NDFIP1: variants seen among roughly 807,000 people sequenced by gnomAD.
The protein encoded by NDFIP1 is NEDD4 family-interacting protein 1.
A neutral mutation model predicts 28.8 loss-of-function variants in NDFIP1; 7 were observed. The ratio of observed to expected loss-of-function variants is 0.24; its 90% CI spans 0.14 to 0.46. NDFIP1 has a LOEUF of 0.46. Ranked by LOEUF, NDFIP1 falls within the 20% of genes least tolerant of loss-of-function variation. NDFIP1 has a pLI of 0.99. For missense variants in NDFIP1, 194 were observed against 269.1 expected, an observed-to-expected ratio of 0.72 and a Z score of 1.95; for synonymous variants, 92 against 101.0, an observed-to-expected ratio of 0.91 and a Z score of 0.53.
intron 7 of NDFIP1, among the ~76,000 whole-genome samples, chr5:142,147,672 G>A (rs781602839): frequency 6.6e-6 from 1 of 152,170 alleles, no homozygotes; most frequent in Non-Finnish European, 1.5e-5. Flanking sequence ...TGCCTAGCAG[G>A]CAGTCAAATT....
intron 1 of NDFIP1, among the ~76,000 whole-genome samples, chr5:142,126,250 T>G (rs759015384): frequency 6.8e-4 from 104 of 152,190 alleles, no homozygotes; most frequent in Admixed American, 6.7e-3. Context: ...GCAGAAGTAG[T>G]GGGTTGGTAA....
At position 142,140,636 on chromosome 5, in the gene NDFIP1, G is replaced by GT; in HGVS notation, c.562+12dup. ...TGGGTGTTCCTTGTTTTAGGTAAGT[G>GT]TTTTTAATGTAAGAAAAGGCAAGAA... On this transcript the variant is annotated splice_region_variant and intron_variant, in intron 6 of 7. Transcript: ENST00000253814. 6.2e-7 allele frequency: 1 copy of GT among 1,603,342 alleles called. No individual in the cohort carries two copies. The highest frequency in any genetic ancestry group is 8.5e-7 in the Non-Finnish European group (1 of 1,175,672).
At chr5:142,112,854 C>T (rs7705042) in intron 1 of NDFIP1, among the ~76,000 whole-genome samples, 2 of 150,600 alleles carry the variant, frequency 1.3e-5, no homozygotes, top group African/African-American at 2.4e-5. Flanking sequence ...TCATTTTTGC[C>T]TTTTGAAACT....
chr5:142,114,678 A>G (rs149713424), intron 1 of NDFIP1, among the ~76,000 whole-genome samples: 1 of 152,342 alleles, frequency 6.6e-6, no homozygotes, highest in East Asian at 1.9e-4. Flanking sequence ...TTTCAAGAAG[A>G]TATCACATGA....
chr5:142,120,884 C>T (rs367631261), intron 1 of NDFIP1, among the ~76,000 whole-genome samples: 2 of 152,220 alleles, frequency 1.3e-5, no homozygotes, highest in African/African-American at 4.8e-5. Context: ...GAAGAGGGGA[C>T]CTCATGACCA....
rs1279587960 is a variant in NDFIP1, at chr5:142,154,407, A to C, written c.*2679A>C. On this transcript the variant is annotated 3_prime_UTR_variant, in exon 8 of 8. Transcript: ENST00000253814. ...GTTACATTGCTTTGTATAGAAATAA[A>C]AGGCATTATTAAAATTTGCTTGTTA... The C allele has an allele frequency of 1.3e-5, 2 of 152,342 alleles. No individual in the cohort carries two copies. Among genetic ancestry groups the C allele is most frequent in the Non-Finnish European group, 2.9e-5 (2 of 68,030 alleles). The allele number at this position is 152,342 out of a possible 1,614,324, so 9.4% of individuals were successfully genotyped here. A position where few individuals can be genotyped will look rare whatever the true frequency, so the allele number is the denominator to read the frequency against.
chr5:142,120,005 G>T (rs1757106500), intron 1 of NDFIP1, among the ~76,000 whole-genome samples: 1 of 152,154 alleles, frequency 6.6e-6, no homozygotes, highest in South Asian at 2.1e-4. Context: ...GTCCAGGCTG[G>T]AGTGCAGTGG....
chr5:142,140,812 G>A (rs960557141), intron 6 of NDFIP1, among the ~76,000 whole-genome samples, 183 bp downstream of exon 6: 3 of 152,134 alleles, frequency 2.0e-5, no homozygotes, highest in African/African-American at 4.8e-5. Flanking sequence ...TAACATGCAC[G>A]TTAATAAAAA....
chr5:142,135,716 T>C lies in NDFIP1; in HGVS notation c.283-14T>C, dbSNP rs1278970393. The C allele has an allele frequency of 6.2e-7, 1 of 1,609,918 alleles. No homozygotes were observed. The highest frequency in any genetic ancestry group is 1.1e-5 in the South Asian group (1 of 90,862). ...TCCCTTTGCCTAGAAATAATTCTTT[T>C]TCTTTTCATTTAGGATGAGGATTTT... On this transcript the variant is annotated splice_polypyrimidine_tract_variant and intron_variant, in intron 3 of 7. Coordinates refer to ENST00000253814, the MANE Select transcript of NDFIP1 (RefSeq NM_030571.4).
At chr5:142,128,647 T>C (rs913811730) in intron 1 of NDFIP1, among the ~76,000 whole-genome samples, 3 of 152,350 alleles carry the variant, frequency 2.0e-5, no homozygotes, top group African/African-American at 4.8e-5. Context: ...CCTAATCTTA[T>C]CACCAGCATT....
Position 142,154,257 on chromosome 5 carries a change from T to C in NDFIP1, c.*2529T>C, listed in dbSNP as rs1757476288. ...GAGTAAACTAGCTTGGACCTTGGGC[T>C]GCAGGACGACTAGGATTCACCCATA... On this transcript the variant is annotated 3_prime_UTR_variant, in exon 8 of 8. Transcript: ENST00000253814. 6.6e-6 allele frequency: 1 copy of C among 152,386 alleles called. No homozygotes were observed. Among genetic ancestry groups the C allele is most frequent in the African/African-American group, 2.4e-5 (1 of 41,466 alleles). 9.4% of individuals were successfully genotyped at this position (152,386 alleles called of 1,614,324 possible).
Position 142,137,719 on chromosome 5 carries a change from C to T in NDFIP1, c.371-15C>T. 6.2e-7 allele frequency: 1 copy of T among 1,613,770 alleles called. No individual in the cohort carries two copies. The highest frequency in any genetic ancestry group is 8.5e-7 in the Non-Finnish European group (1 of 1,179,792). ...AGGACATGTCTAACATCTTTCCCCTCCTCTGCTTTTGCAGTGGCATTCCTC... is the reference window on the plus strand; with the variant it reads ...AGGACATGTCTAACATCTTTCCCCTTCTCTGCTTTTGCAGTGGCATTCCTC... On this transcript the variant is annotated splice_polypyrimidine_tract_variant and intron_variant, in intron 4 of 7. Coordinates refer to ENST00000253814, the MANE Select transcript of NDFIP1 (RefSeq NM_030571.4).
chr5:142,119,057 A>G (rs1465970779), intron 1 of NDFIP1, among the ~76,000 whole-genome samples: 1 of 152,204 alleles, frequency 6.6e-6, no homozygotes, highest in African/African-American at 2.4e-5. Context: ...AGAGCAAGGA[A>G]CTATATATGT....
intron 1 of NDFIP1, among the ~76,000 whole-genome samples, chr5:142,130,317 A>T (rs945448348): frequency 5.3e-5 from 8 of 152,200 alleles, no homozygotes; most frequent in Admixed American, 3.9e-4. Flanking sequence ...GAGTTATTTT[A>T]AAAAATTGAA....
intron 1 of NDFIP1, among the ~76,000 whole-genome samples, chr5:142,125,019 G>A (rs985674747): frequency 8.6e-5 from 13 of 151,988 alleles, no homozygotes; most frequent in African/African-American, 3.1e-4. Flanking sequence ...GTAGAGATGG[G>A]GTTTCACCTT....
intron 1 of NDFIP1, among the ~76,000 whole-genome samples, chr5:142,124,771 T>G (rs1757153575): frequency 6.6e-6 from 1 of 152,184 alleles, no homozygotes; most frequent in Non-Finnish European, 1.5e-5. Context: ...CTAACTCTGG[T>G]AATTGGTTTG....
At chr5:142,141,868 C>T (rs560774734) in intron 6 of NDFIP1, among the ~76,000 whole-genome samples, 3 of 152,194 alleles carry the variant, frequency 2.0e-5, no homozygotes, top group South Asian at 2.1e-4. Context: ...TGGTGGCTCA[C>T]GCCTGTAATC....
At chr5:142,114,644 T>C (rs536556620) in intron 1 of NDFIP1, among the ~76,000 whole-genome samples, 35 of 152,312 alleles carry the variant, frequency 2.3e-4, no homozygotes, top group African/African-American at 8.4e-4. Context: ...TGTGTAACGC[T>C]AAAAGAAAAC....
intron 6 of NDFIP1, among the ~76,000 whole-genome samples, chr5:142,142,786 G>A (rs889325150): frequency 6.6e-6 from 1 of 151,566 alleles, no homozygotes; most frequent in South Asian, 2.1e-4. Flanking sequence ...AAATTAGCTG[G>A]CTGTGGTTGC....
Sources: gnomAD v4.1 joint callset for allele counts (sites outside exome capture counted in the v4.1 genomes callset) on GRCh38, gnomAD v4.1.1 for gene constraint, MANE v1.5 for transcripts, NCBI Gene and HGNC (gene_info 2026-07-23, HGNC 2026-07-21) for gene names.